Variants in GPNMB observed in about 807,000 individuals in gnomAD.
The protein encoded by GPNMB is glycoprotein nmb, also known as transmembrane glycoprotein NMB.
GPNMB carries 71 observed loss-of-function variants against 57.3 expected under a neutral mutation model. The ratio of observed to expected loss-of-function variants is 1.24; its 90% CI spans 1.02 to 1.51. The LOEUF (loss-of-function observed/expected upper bound fraction) is 1.51. GPNMB is among the 40% of genes most tolerant of loss of function. The pLI, the probability that GPNMB is intolerant of heterozygous loss-of-function variation, is 0.00. For missense variants in GPNMB, 677 were observed against 691.9 expected (o/e 0.98, Z 0.24); for synonymous variants, 253 against 263.2 (o/e 0.96, Z 0.38).
chr7:23,263,595 A>G (rs1166876924), intron 6 of GPNMB, among the ~76,000 whole-genome samples: 1 of 149,736 alleles, frequency 6.7e-6, no homozygotes, highest in Non-Finnish European at 1.5e-5. Flanking sequence ...CTGGGCGACA[A>G]GAGAGAAACT....
intron 7 of GPNMB, among the ~76,000 whole-genome samples, chr7:23,267,072 G>A (rs1783082410): frequency 6.6e-6 from 1 of 152,252 alleles, no homozygotes; most frequent in South Asian, 2.1e-4. Context: ...AGAGAAGACA[G>A]AGGGGAACTG....
rs1280287302 is a variant in GPNMB, at chr7:23,257,058, C to T, written c.534C>T (p.His178=). ...GATGGAATTTCATCTACGTCTTCCA[C>T]ACACTTGGTTGGCTTTTACAAACCC... ...WRRWNFIYVF[H]TLGQYFQKLG... Residue 178 remains histidine (H), a synonymous_variant, in exon 4 of 11, where the codon CAC becomes CAT. Coordinates refer to ENST00000258733, the MANE Select transcript of GPNMB (RefSeq NM_002510.3). 1 of 1,613,810 alleles carries T rather than the reference C, an allele frequency of 6.2e-7. No individual in the cohort carries two copies. The highest frequency in any genetic ancestry group is 8.5e-7 in the Non-Finnish European group (1 of 1,179,756).
Position 23,267,987 on chromosome 7 carries a change from AG to A in GPNMB, c.1220+1del. On this transcript the variant is annotated frameshift_variant and splice_region_variant, in exon 8 of 11. Coordinates refer to ENST00000258733, the MANE Select transcript of GPNMB (RefSeq NM_002510.3). LOFTEE classifies it high-confidence loss of function. ...AGACTTTGTCGTGACCTGCCAAGGG[AG>A]GTGAGTATATTATCTCCGACAGAGG... ...LIDFVVTCQG[S>X]IPTEVCTIIS... 2 of 1,592,082 alleles carry A rather than the reference AG, an allele frequency of 1.3e-6. No individual in the cohort carries two copies. The highest frequency in any genetic ancestry group is 1.7e-6 in the Non-Finnish European group (2 of 1,165,298).
At chr7:23,265,395 A>G (rs78623083) in intron 6 of GPNMB, among the ~76,000 whole-genome samples, 1 of 152,200 alleles carries the variant, frequency 6.6e-6, no homozygotes, top group African/African-American at 2.4e-5. Context: ...CAGTATCGTT[A>G]TTTTCTTTCT....
intron 9 of GPNMB, among the ~76,000 whole-genome samples, chr7:23,272,075 C>T (rs752158337): frequency 9.9e-5 from 15 of 152,126 alleles, no homozygotes; most frequent in Non-Finnish European, 2.2e-4. Context: ...GAGCCAAAAC[C>T]TCTGCATCCA....
At chr7:23,270,655 C>A (rs558272833) in intron 9 of GPNMB, among the ~76,000 whole-genome samples, 1 of 152,306 alleles carries the variant, frequency 6.6e-6, no homozygotes, top group South Asian at 2.1e-4. Flanking sequence ...ACTTACCATG[C>A]ATCCTCTCTT....
At chr7:23,260,388 G>C (rs536732003) in intron 5 of GPNMB, 68 bp from the exon 6 acceptor site, 575 of 1,280,714 alleles carry the variant, frequency 4.5e-4, no homozygotes, top group Non-Finnish European at 5.0e-4. Context: ...TAAAAGCATC[G>C]TCGAAGCCCT....
chr7:23,266,070 T>G (rs1264540283), intron 6 of GPNMB: 1 of 158,256 alleles, frequency 6.3e-6, no homozygotes, highest in African/African-American at 2.4e-5. Context: ...TGCCTCAGCC[T>G]CCTGAGTAGC....
intron 1 of GPNMB, among the ~76,000 whole-genome samples, chr7:23,248,258 A>G (rs915572901): frequency 5.9e-5 from 9 of 152,090 alleles, no homozygotes; most frequent in African/African-American, 2.2e-4. Context: ...CACCCTCAGG[A>G]TACCTCCCAG....
Position 23,274,182 on chromosome 7 carries a change from G to T in GPNMB, c.1641G>T (p.Lys547Asn). 6.2e-7 allele frequency: 1 copy of T among 1,613,922 alleles called. No individual in the cohort carries two copies. The highest frequency in any genetic ancestry group is 8.5e-7 in the Non-Finnish European group (1 of 1,179,954). ...KAVFFPGNQE[K>N]DPLLKNQEFK... is the part of the protein sequence containing the mutation. ...TGTTCTTCCCGGGAAACCAGGAAAAGGATCCGCTACTCAAAAACCAAGAAT... is the reference window on the plus strand; with the variant it reads ...TGTTCTTCCCGGGAAACCAGGAAAATGATCCGCTACTCAAAAACCAAGAAT... Residue 547 changes from lysine to asparagine, a missense_variant, in exon 11 of 11, where the codon AAG (lysine) becomes AAT (asparagine). Lys to Asn is a moderately conservative substitution (Grantham distance 94, BLOSUM62 0). Transcript: ENST00000258733.
rs779137072 is a variant in GPNMB, at chr7:23,257,029, A to G, written c.505A>G (p.Arg169Gly). The change falls in exon 4 of 11, where the codon AGA becomes GGA. Residue 169 changes from arginine (R) to glycine (G), a missense_variant. Arg to Gly is a moderately radical substitution (Grantham distance 125). Transcript: ENST00000258733. ...GKPFPHHPGW[R>G]RWNFIYVFHT... The stretch of plus-strand genomic sequence containing the variant: ...ACCTTTTCCTCACCACCCCGGATGG[A>G]GAAGATGGAATTTCATCTACGTCTT... 1 of 1,614,188 alleles carries G rather than the reference A, an allele frequency of 6.2e-7. No individual in the cohort carries two copies. The highest frequency in any genetic ancestry group is 1.7e-5 in the Admixed American group (1 of 60,020).
intron 7 of GPNMB, among the ~76,000 whole-genome samples, chr7:23,267,091 C>T (rs1783083064): frequency 6.6e-6 from 1 of 152,234 alleles, no homozygotes; most frequent in African/African-American, 2.4e-5. Context: ...TGAAGCCCAA[C>T]CTGTGCTCAC....
chr7:23,262,608 C>CTTTTTT lies in GPNMB; in HGVS notation c.1018+1858_1018+1863dup, dbSNP rs58011121. ...GTACTGTCATTTATTTCACCATTCT[C>CTTTTTT]TTTTTTTTTTTTTTTTTTTTTTTTT... On this transcript the variant is annotated intron_variant, in intron 6 of 10. Coordinates refer to ENST00000258733, the MANE Select transcript of GPNMB (RefSeq NM_002510.3). 2.4e-4 allele frequency among the ~76,000 whole-genome samples: 15 copies of CTTTTTT among 62,848 alleles called. 2 individuals carry two copies. Among genetic ancestry groups the CTTTTTT allele is most frequent in the East Asian group, 6.2e-4 (1 of 1,622 alleles). 41.2% of individuals were successfully genotyped at this position (62,848 alleles called of 152,430 possible). A position where few individuals can be genotyped will look rare whatever the true frequency, so the allele number is the denominator to read the frequency against.
chr7:23,270,113 T>A lies in GPNMB; in HGVS notation c.1367T>A (p.Leu456His). ...GGGTCTGGGACGTACTGTGTGAACC[T>A]CACCCTGGGGGATGACACAAGCCTG... ...FNGSGTYCVN[L>H]TLGDDTSLAL... The change falls in exon 9 of 11, where the codon CTC becomes CAC. Residue 456 changes from leucine to histidine, a missense_variant. By Grantham distance (99) the Leu-to-His change is moderately conservative. Transcript: ENST00000258733. 1 of 1,614,148 alleles carries A rather than the reference T, an allele frequency of 6.2e-7. No individual in the cohort carries two copies. The highest frequency in any genetic ancestry group is 8.5e-7 in the Non-Finnish European group (1 of 1,180,008).
intron 6 of GPNMB, chr7:23,266,168 C>T (rs573464786): frequency 4.8e-6 from 1 of 206,808 alleles, no homozygotes; most frequent in South Asian, 7.8e-5. Context: ...TCAGGATGGG[C>T]TCGATCTCCT....
intron 4 of GPNMB, chr7:23,257,472 G>A (rs1782809125): frequency 3.5e-6 from 1 of 284,538 alleles, no homozygotes; most frequent in African/African-American, 2.2e-5. Flanking sequence ...AGGAGTTCAA[G>A]ACCAGCCTGG....
intron 9 of GPNMB, among the ~76,000 whole-genome samples, chr7:23,271,480 A>G (rs1429680631): frequency 6.6e-6 from 1 of 152,152 alleles, no homozygotes; most frequent in Non-Finnish European, 1.5e-5. Context: ...AGCTACAAAA[A>G]CAAACAAACA....
intron 7 of GPNMB, 68 bp from the exon 8 acceptor site, chr7:23,267,818 T>C (rs1783104891): frequency 1.9e-6 from 2 of 1,043,962 alleles, no homozygotes; most frequent in African/African-American, 1.6e-5. Context: ...TATACCAGAG[T>C]GATTGTTTGG....
intron 9 of GPNMB, chr7:23,273,255 C>T (rs1032750933): frequency 2.1e-5 from 8 of 375,024 alleles, no homozygotes; most frequent in East Asian, 1.0e-4. Flanking sequence ...TGCTGGGTCA[C>T]CCAAGACCTG....
Sources: allele counts gnomAD v4.1 joint callset (sites outside exome capture counted in the v4.1 genomes callset), GRCh38; gene constraint gnomAD v4.1.1; transcripts MANE v1.5; gene names NCBI Gene and HGNC (gene_info 2026-07-23, HGNC 2026-07-21).